CELSR1: variants seen among roughly 807,000 people sequenced by gnomAD.
CELSR1 encodes cadherin EGF LAG seven-pass G-type receptor 1, also known as adhesion G protein-coupled receptor C1.
In CELSR1, 110 loss-of-function variants were observed where a neutral mutation model predicts 249.1. The observed-to-expected ratio is 0.44, with a 90% CI of 0.38 to 0.52. The LOEUF (loss-of-function observed/expected upper bound fraction) is 0.52, where lower values mean the gene tolerates loss of function less well. Among genes scored for constraint, CELSR1 ranks in the 20% least tolerant of loss-of-function variants. The pLI, the probability that CELSR1 is intolerant of heterozygous loss-of-function variation, is 0.00. For missense variants in CELSR1, 4,109 were observed against 4,296.4 expected, an observed-to-expected ratio of 0.96 and a Z score of 1.22; for synonymous variants, 2,113 against 1,900.0, an observed-to-expected ratio of 1.11 and a Z score of -2.92.
At position 46,441,426 on chromosome 22, in the gene CELSR1, TCAAA is replaced by T. The variant is rs986497872; in HGVS notation, c.4184-2019_4184-2016del. Among the ~76,000 whole-genome samples, 32 of 151,886 alleles carry T rather than the reference TCAAA, an allele frequency of 2.1e-4. No homozygotes were observed. Among genetic ancestry groups the T allele is most frequent in the African/African-American group, 7.7e-4 (32 of 41,334 alleles). On this transcript the variant is annotated intron_variant, in intron 2 of 34. Coordinates refer to ENST00000674500, the MANE Select transcript of CELSR1 (RefSeq NM_001378328.1). This position sits in a 1 kb window ranked among gnomAD's most constrained non-coding sequence, Gnocchi z 6.1. Reference sequence around the variant, plus strand: ...TGGGGCAGCCTAATTTGATGCCAACTCAAACAGACAGAATGAAAACACACTTACG... The same window carrying T: ...TGGGGCAGCCTAATTTGATGCCAACTCAGACAGAATGAAAACACACTTACG...
At position 46,464,023 on chromosome 22, in the gene CELSR1, C is replaced by T. The variant is rs150834991; in HGVS notation, c.3867G>A (p.Thr1289=). The change falls in exon 2 of 35, where the codon ACG becomes ACA. Residue 1289 remains threonine, a synonymous_variant. Coordinates refer to ENST00000674500, the MANE Select transcript of CELSR1 (RefSeq NM_001378328.1). The surrounding 1 kb of genome is among the most constrained non-coding windows in gnomAD (Gnocchi z 8.5). ...GCTGCGTGGAGATGGTGGTCAGCAG[C>T]GTCCGATTCAGGTAGATCTGCTCCT... The part of the protein sequence containing the change: ...DLQEQIYLNR[T]LLTTISTQRV... 11 of 1,613,826 alleles carry T rather than the reference C, an allele frequency of 6.8e-6. No individual in the cohort carries two copies. The highest frequency in any genetic ancestry group is 1.6e-4 in the Middle Eastern group (1 of 6,062).
intron 1 of CELSR1, among the ~76,000 whole-genome samples, chr22:46,497,543 C>T (rs1203021872): frequency 1.3e-5 from 2 of 152,238 alleles, no homozygotes; most frequent in African/African-American, 4.8e-5. Flanking sequence ...CACACATTCT[C>T]TGTGCTCTAT....
chr22:46,516,112 T>C (rs2080624675), intron 1 of CELSR1, among the ~76,000 whole-genome samples: 1 of 152,180 alleles, frequency 6.6e-6, no homozygotes, highest in Admixed American at 6.5e-5. Flanking sequence ...ACTGGGTATA[T>C]ACCCAAAGGA....
chr22:46,530,804 G>T (rs5768912), intron 1 of CELSR1, among the ~76,000 whole-genome samples: 1 of 151,688 alleles, frequency 6.6e-6, no homozygotes, highest in Non-Finnish European at 1.5e-5. Flanking sequence ...CCTGCCCTCC[G>T]ATGCGCTCCT....
chr22:46,386,300 G>T (rs1254224118), intron 19 of CELSR1, 102 bp downstream of exon 19: 3 of 1,277,242 alleles, frequency 2.3e-6, no homozygotes, highest in Non-Finnish European at 2.1e-6. Context: ...GCATGGCCAA[G>T]GGGGGGCCGG....
intron 2 of CELSR1, among the ~76,000 whole-genome samples, chr22:46,449,627 C>T (rs1391771475): frequency 6.6e-6 from 1 of 152,182 alleles, no homozygotes; most frequent in Non-Finnish European, 1.5e-5. Flanking sequence ...CAAAACAGAT[C>T]CCTGCCCTCA....
Position 46,536,963 on chromosome 22 carries a change from C to G in CELSR1, c.208G>C (p.Asp70His), listed in dbSNP as rs1054523140. Residue 70 changes from aspartate (D) to histidine (H), a missense_variant, in exon 1 of 35, where the codon GAT (aspartate) becomes CAT (histidine). Coordinates refer to ENST00000674500, the MANE Select transcript of CELSR1 (RefSeq NM_001378328.1). ...APRELLDVGR[D>H]GRLAGRRRVS... The stretch of plus-strand genomic sequence containing the variant: ...CGCCGACGTCCTGCCAGCCGCCCAT[C>G]GCGGCCCACGTCCAGCAGCTCCCGC... 7 of 1,147,894 alleles carry G rather than the reference C, an allele frequency of 6.1e-6. No homozygotes were observed. The Admixed American group carries it at 2.4e-4, about 40-fold the overall frequency. The allele number at this position is 1,147,894 out of a possible 1,614,324, so 71.1% of individuals were successfully genotyped here. A position where few individuals can be genotyped will look rare whatever the true frequency, so the allele number is the denominator to read the frequency against.
At chr22:46,507,011 C>T (rs576874959) in intron 1 of CELSR1, among the ~76,000 whole-genome samples, 7 of 152,220 alleles carry the variant, frequency 4.6e-5, no homozygotes, top group Non-Finnish European at 8.8e-5. Flanking sequence ...CACGGTGAAA[C>T]CCCGACTCTA....
chr22:46,533,642 C>A lies in CELSR1; in HGVS notation c.3529G>T (p.Glu1177Ter). 1.3e-6 allele frequency: 2 copies of A among 1,578,002 alleles called. No individual in the cohort carries two copies. The highest frequency in any genetic ancestry group is 8.6e-7 in the Non-Finnish European group (1 of 1,165,924). The change falls in exon 1 of 35, where the codon GAG (glutamate) becomes TAG (stop). Residue 1177 changes from glutamate (E) to a stop codon, truncating the protein, a stop_gained. Transcript: ENST00000674500. LOFTEE classifies it high-confidence loss of function. ...GGCCACTCACCAGACACAGACACCT[C>A]CATGAGCGCCTCCAGCGGCCGGTTG... ...DNNRPLEALM[E>*]VSVSDGIHSV...
chr22:46,367,600 C>T, intron 28 of CELSR1, 129 bp downstream of exon 28: 1 of 1,317,226 alleles, frequency 7.6e-7, no homozygotes, highest in Non-Finnish European at 1.0e-6. Context: ...CTCACAGCCA[C>T]AGGAGGCCCC....
intron 23 of CELSR1, 135 bp from the exon 24 acceptor site, chr22:46,377,396 G>T: frequency 2.1e-6 from 2 of 966,350 alleles, no homozygotes; most frequent in African/African-American, 1.6e-5. Flanking sequence ...GGCTGGGGAG[G>T]CCGAGTGCTC....
Position 46,409,300 on chromosome 22 carries a change from CCT to C in CELSR1, c.5060-140_5060-139del. Reference sequence around the variant, plus strand: ...AACACGAAGGTGGGTCTGAGCCTCCCCTCTGTGACGCATCCAGCCCTCACAGT... The same window carrying C: ...AACACGAAGGTGGGTCTGAGCCTCCCCTGTGACGCATCCAGCCCTCACAGT... On this transcript the variant is annotated intron_variant, in intron 8 of 34. Transcript: ENST00000674500. This position sits in a 1 kb window ranked among gnomAD's most constrained non-coding sequence, Gnocchi z 9.8. 1 of 826,268 alleles carries C rather than the reference CCT, an allele frequency of 1.2e-6. No homozygotes were observed. The highest frequency in any genetic ancestry group is 3.0e-5 in the Admixed American group (1 of 33,212). 51.2% of individuals were successfully genotyped at this position (826,268 alleles called of 1,614,324 possible).
intron 1 of CELSR1, among the ~76,000 whole-genome samples, chr22:46,502,944 G>T (rs772557724): frequency 6.6e-6 from 1 of 152,152 alleles, no homozygotes; most frequent in Non-Finnish European, 1.5e-5. Context: ...TGTGCACCCC[G>T]GGAGCAGGTC....
rs753820353 is a variant in CELSR1 at position 46,389,377 on chromosome 22, G to T, written c.6468C>A (p.Ala2156=). The change falls in exon 18 of 35, where the codon GCC becomes GCA. Residue 2156 remains alanine (A), a synonymous_variant. Transcript: ENST00000674500. ...GTLFGNDVRT[A]YQLLGHVLQH... ...GAAGGACGTGGCCCAGCAGCTGGTA[G>T]GCCGTGCGCACGTCATTGCCAAAGA... The T allele has an allele frequency of 6.2e-7, 1 of 1,611,294 alleles. No homozygotes were observed. The highest frequency in any genetic ancestry group is 8.5e-7 in the Non-Finnish European group (1 of 1,179,890).
intron 1 of CELSR1, among the ~76,000 whole-genome samples, chr22:46,510,571 G>A (rs73888537): frequency 3.5e-4 from 54 of 152,316 alleles, no homozygotes; most frequent in African/African-American, 1.2e-3. Flanking sequence ...CTGGGGGGAC[G>A]AGAGCCGCCT....
At position 46,534,455 on chromosome 22, in the gene CELSR1, G is replaced by T. The variant is rs1035359078; in HGVS notation, c.2716C>A (p.Pro906Thr). ...FYQGSIFEDAPPSTSILQVSA... is the reference protein window; with the variant it reads ...FYQGSIFEDATPSTSILQVSA... ...ACCTGGAGGATGCTGGTCGAGGGTG[G>T]AGCATCCTCAAAGATGGAACCCTGG... Residue 906 changes from proline to threonine, a missense_variant, in exon 1 of 35, where the codon CCA (proline) becomes ACA (threonine). Around this residue, in one of 7 missense-constraint regions of CELSR1, gnomAD observed 886 missense variants for 896.5 expected, o/e 0.99. Coordinates refer to ENST00000674500, the MANE Select transcript of CELSR1 (RefSeq NM_001378328.1). This position sits in a 1 kb window ranked among gnomAD's most constrained non-coding sequence, Gnocchi z 9.7. 8 of 1,612,990 alleles carry T rather than the reference G, an allele frequency of 5.0e-6. No individual in the cohort carries two copies. The African/African-American group carries it at 1.1e-4, about 21-fold the overall frequency.
chr22:46,373,765 C>T (rs1480863256), intron 24 of CELSR1, among the ~76,000 whole-genome samples: 1 of 149,928 alleles, frequency 6.7e-6, no homozygotes, highest in Non-Finnish European at 1.5e-5. Context: ...GTCCCACCAC[C>T]CTGACCCCAC....
chr22:46,479,954 G>C (rs3788711), intron 1 of CELSR1, among the ~76,000 whole-genome samples: 88,735 of 151,962 alleles, frequency 0.58, 26,300 homozygotes, highest in East Asian at 0.82. Context: ...ACTGGACTCT[G>C]TTAATTCAGG....
rs147245396 is a variant in CELSR1 at position 46,488,415 on chromosome 22, A to G, written c.3545-24070T>C. Among the ~76,000 whole-genome samples the G allele has an allele frequency of 4.0e-3, 609 of 152,238 alleles. 6 individuals are homozygous for G. Among genetic ancestry groups the G allele is most frequent in the African/African-American group, 0.013 (528 of 41,532 alleles). The stretch of plus-strand genomic sequence containing the variant: ...CGCCTACAGCCGGCGAGTGCAGCAC[A>G]GGAGGCCACCGTAGTGCCATAGAGC... On this transcript the variant is annotated intron_variant, in intron 1 of 34. Coordinates refer to ENST00000674500, the MANE Select transcript of CELSR1 (RefSeq NM_001378328.1). This position sits in a 1 kb window ranked among gnomAD's most constrained non-coding sequence, Gnocchi z 4.7.
Sources: gnomAD v4.1 joint callset for allele counts (sites outside exome capture counted in the v4.1 genomes callset) on GRCh38, gnomAD v4.1.1 for gene constraint, gnomAD v4.1.1 regional missense constraint, Gnocchi (gnomAD v3.1) non-coding constraint, MANE v1.5 for transcripts, NCBI Gene and HGNC (gene_info 2026-07-23, HGNC 2026-07-21) for gene names.